MACROD1: variants seen among roughly 807,000 people sequenced by gnomAD.
MACROD1 encodes ADP-ribose glycohydrolase MACROD1.
MACROD1 carries 31 observed loss-of-function variants against 41.4 expected under a neutral mutation model. The ratio of observed to expected loss-of-function variants is 0.75; its 90% CI spans 0.56 to 1.01. The LOEUF is 1.01. Among genes scored for constraint, MACROD1 ranks in the 50% least tolerant of loss-of-function variants. The pLI, the probability that MACROD1 is intolerant of heterozygous loss-of-function variation, is 0.00. For synonymous variants in MACROD1, 252 were observed against 203.4 expected, an observed-to-expected ratio of 1.24 and a Z score of -2.03; for missense variants, 473 against 460.0, an observed-to-expected ratio of 1.03 and a Z score of -0.26.
chr11:64,102,086 A>G (rs1272231412), intron 3 of MACROD1, among the ~76,000 whole-genome samples: 1 of 152,190 alleles, frequency 6.6e-6, no homozygotes, highest in Non-Finnish European at 1.5e-5. Flanking sequence ...CAAATCAGCC[A>G]CCTTAGGCCC....
At position 64,030,615 on chromosome 11, in the gene MACROD1, C is replaced by T. The variant is rs191299144; in HGVS notation, c.518-15334G>A. Among the ~76,000 whole-genome samples the T allele has an allele frequency of 4.6e-5, 7 of 152,294 alleles. No homozygotes were observed. In the East Asian group the frequency reaches 9.6e-4, roughly 21 times the overall value. On this transcript the variant is annotated intron_variant, in intron 3 of 10. Coordinates refer to ENST00000255681, the MANE Select transcript of MACROD1 (RefSeq NM_014067.4). ...AACACAACGCCAGAGAAAAAATCAGCCACACCCGGATCTTAGAGATGTGGA... is the reference window on the plus strand; with the variant it reads ...AACACAACGCCAGAGAAAAAATCAGTCACACCCGGATCTTAGAGATGTGGA...
intron 1 of MACROD1, among the ~76,000 whole-genome samples, chr11:64,163,504 C>T (rs1945788277): frequency 6.6e-6 from 1 of 152,198 alleles, no homozygotes; most frequent in South Asian, 2.1e-4. Context: ...CTCACGATCC[C>T]TCTCGTGGAG....
chr11:64,023,242 A>G (rs1312923093), intron 3 of MACROD1, among the ~76,000 whole-genome samples: 2 of 151,994 alleles, frequency 1.3e-5, no homozygotes, highest in Admixed American at 6.6e-5. Flanking sequence ...CAGAGAAGAG[A>G]AATGACTTGC....
intron 3 of MACROD1, among the ~76,000 whole-genome samples, chr11:64,078,011 TC>T (rs1944235125): frequency 6.6e-6 from 1 of 152,142 alleles, no homozygotes; most frequent in African/African-American, 2.4e-5. Flanking sequence ...CCAGACGCTC[TC>T]CCCGTGCCCA....
At chr11:64,135,464 C>T (rs1945319717) in intron 3 of MACROD1, among the ~76,000 whole-genome samples, 1 of 152,258 alleles carries the variant, frequency 6.6e-6, no homozygotes, top group Non-Finnish European at 1.5e-5. Flanking sequence ...GACACCTGAG[C>T]CCTTGCCGCT....
rs1943382629 is a variant in MACROD1 at position 64,036,467 on chromosome 11, T to C, written c.518-21186A>G. Among the ~76,000 whole-genome samples the C allele has an allele frequency of 6.6e-6, 1 of 151,240 alleles. No individual in the cohort carries two copies. The highest frequency in any genetic ancestry group is 2.4e-5 in the African/African-American group (1 of 41,158). ...AAGGGCGGGGGCTCAGCTGGAGCTC[T>C]AGTCCAAGCCCTCGCTGCACCCCCC... is the stretch of plus-strand genomic sequence containing the variant. On this transcript the variant is annotated intron_variant, in intron 3 of 10. Coordinates refer to ENST00000255681, the MANE Select transcript of MACROD1 (RefSeq NM_014067.4). This position sits in a 1 kb window ranked among gnomAD's most constrained non-coding sequence, Gnocchi z 5.6.
intron 3 of MACROD1, among the ~76,000 whole-genome samples, chr11:64,144,687 ACAGGTTC>A (rs779819989): frequency 6.6e-6 from 1 of 152,192 alleles, no homozygotes; most frequent in Non-Finnish European, 1.5e-5. Context: ...CATGTTGCTA[ACAGGTTC>A]CAGCTGCAAA....
intron 3 of MACROD1, among the ~76,000 whole-genome samples, chr11:64,101,855 T>G (rs1049767827): frequency 3.9e-5 from 6 of 152,040 alleles, no homozygotes; most frequent in Non-Finnish European, 8.8e-5. Flanking sequence ...TCCTTCTTCC[T>G]AGGGCAGCTT....
intron 3 of MACROD1, among the ~76,000 whole-genome samples, chr11:64,051,544 A>T (rs1943695507): frequency 6.6e-6 from 1 of 151,992 alleles, no homozygotes; most frequent in Non-Finnish European, 1.5e-5. Context: ...CGGGCAGGCT[A>T]ACAGCTGTTT....
intron 3 of MACROD1, among the ~76,000 whole-genome samples, chr11:64,065,889 G>A (rs1198074760): frequency 6.6e-6 from 1 of 152,120 alleles, no homozygotes; most frequent in Non-Finnish European, 1.5e-5. Flanking sequence ...CCCCAGTGCA[G>A]AGTGGTTGGC....
intron 4 of MACROD1, chr11:64,001,003 A>T (rs1402792386): frequency 5.3e-6 from 1 of 189,068 alleles, no homozygotes; most frequent in Non-Finnish European, 1.1e-5. Flanking sequence ...CCAGCTGGTT[A>T]ATGAACCGCC....
intron 3 of MACROD1, among the ~76,000 whole-genome samples, chr11:64,020,298 C>T (rs1943136017): frequency 6.6e-6 from 1 of 152,134 alleles, no homozygotes; most frequent in Non-Finnish European, 1.5e-5. Context: ...ACCTGTTTTA[C>T]AGATGAGGAC....
intron 3 of MACROD1, among the ~76,000 whole-genome samples, chr11:64,119,954 C>T (rs751289207): frequency 2.6e-5 from 4 of 152,158 alleles, no homozygotes; most frequent in African/African-American, 9.7e-5. Context: ...GTCACTGTGC[C>T]GCTTGTTCTG....
intron 1 of MACROD1, among the ~76,000 whole-genome samples, chr11:64,164,811 G>A (rs575425666): frequency 6.7e-6 from 1 of 149,716 alleles, no homozygotes; most frequent in Non-Finnish European, 1.5e-5. Context: ...GGATCCAGCC[G>A]GGAAGAGTCA....
intron 4 of MACROD1, among the ~76,000 whole-genome samples, chr11:64,014,593 T>C (rs1943056305): frequency 6.6e-6 from 1 of 152,192 alleles, no homozygotes. Context: ...GCTGGGGGGC[T>C]GCAGGACTGG....
chr11:64,133,194 G>C (rs535092669), intron 3 of MACROD1, among the ~76,000 whole-genome samples: 1 of 152,306 alleles, frequency 6.6e-6, no homozygotes, highest in Admixed American at 6.5e-5. Flanking sequence ...CTGCTGCCCC[G>C]CTACACAGGG....
At chr11:64,066,766 T>C (rs1944013773) in intron 3 of MACROD1, among the ~76,000 whole-genome samples, 1 of 151,934 alleles carries the variant, frequency 6.6e-6, no homozygotes, top group South Asian at 2.1e-4. Context: ...CCCTTCTGAG[T>C]ACTTAGATCA....
intron 3 of MACROD1, among the ~76,000 whole-genome samples, chr11:64,147,969 G>A (rs1945519373): frequency 6.6e-6 from 1 of 151,836 alleles, no homozygotes. Flanking sequence ...AAACTCCCGA[G>A]CTCAAGTGAT....
At chr11:64,133,260 C>T (rs934684101) in intron 3 of MACROD1, among the ~76,000 whole-genome samples, 6 of 152,186 alleles carry the variant, frequency 3.9e-5, no homozygotes, top group Non-Finnish European at 7.3e-5. Flanking sequence ...AGGAAGGTTG[C>T]GTCCACCTCA....
Sources: allele counts gnomAD v4.1 joint callset (sites outside exome capture counted in the v4.1 genomes callset), GRCh38; gene constraint gnomAD v4.1.1; non-coding constraint Gnocchi (gnomAD v3.1); transcripts MANE v1.5; gene names NCBI Gene and HGNC (gene_info 2026-07-23, HGNC 2026-07-21).